The following VPS33B variants were observed in gnomAD, a reference collection of about 807,000 sequenced individuals.
The protein encoded by VPS33B is vacuolar protein sorting-associated protein 33B.
A neutral mutation model predicts 95.3 loss-of-function variants in VPS33B; 80 were observed. The ratio of observed to expected loss-of-function variants is 0.84; its 90% CI spans 0.70 to 1.01. The LOEUF (loss-of-function observed/expected upper bound fraction) is 1.01. Ranked by LOEUF, VPS33B falls within the 50% of genes least tolerant of loss-of-function variation. VPS33B has a pLI of 0.00. For missense variants in VPS33B, 715 were observed against 773.4 expected, an observed-to-expected ratio of 0.92 and a Z score of 0.90; for synonymous variants, 280 against 280.4, an observed-to-expected ratio of 1.00 and a Z score of 0.01.
intron 17 of VPS33B, 60 bp downstream of exon 17, chr15:91,003,025 A>G (rs2040487738): frequency 1.3e-6 from 2 of 1,592,772 alleles, no homozygotes; most frequent in South Asian, 1.1e-5. Flanking sequence ...GCCTCTTTCA[A>G]AAATGCCCAA....
At chr15:91,016,194 G>A (rs2040918538) in intron 3 of VPS33B, among the ~76,000 whole-genome samples, 1 of 152,072 alleles carries the variant, frequency 6.6e-6, no homozygotes, top group African/African-American at 2.4e-5. Context: ...ATGGAGTGAT[G>A]AAAAGGGTGA....
At position 91,007,051 on chromosome 15, in the gene VPS33B, C is replaced by T. The variant is rs1356894479; in HGVS notation, c.604-5G>A. The T allele has an allele frequency of 3.1e-6, 5 of 1,609,540 alleles. No homozygotes were observed. Among genetic ancestry groups the T allele is most frequent in the African/African-American group, 1.3e-5 (1 of 74,932 alleles). On this transcript the variant is annotated splice_region_variant and splice_polypyrimidine_tract_variant and intron_variant, in intron 8 of 22. Coordinates refer to ENST00000333371, the MANE Select transcript of VPS33B (RefSeq NM_018668.5). This position sits in a 1 kb window ranked among gnomAD's most constrained non-coding sequence, Gnocchi z 5.3. ...CCTCCACAATTCATATGCCATCTGCCAGGGCCCAAGACATTCTCAGTCTTG... is the reference window on the plus strand; with the variant it reads ...CCTCCACAATTCATATGCCATCTGCTAGGGCCCAAGACATTCTCAGTCTTG...
Position 91,018,996 on chromosome 15 carries a change from G to T in VPS33B, c.97-1111C>A, listed in dbSNP as rs992453222. Among the ~76,000 whole-genome samples the T allele has an allele frequency of 6.6e-6, 1 of 151,234 alleles. No individual in the cohort carries two copies. Among genetic ancestry groups the T allele is most frequent in the African/African-American group, 2.4e-5 (1 of 41,096 alleles). On this transcript the variant is annotated intron_variant, in intron 1 of 22. Transcript: ENST00000333371. The surrounding 1 kb of genome is among the most constrained non-coding windows in gnomAD (Gnocchi z 4.7). Reference sequence around the variant, plus strand: ...CACCTGGCTAATTTTTGTATTTTTAGTAGAGACGGTGTTTCACCATCTTGG... The same window carrying T: ...CACCTGGCTAATTTTTGTATTTTTATTAGAGACGGTGTTTCACCATCTTGG...
Position 91,013,774 on chromosome 15 carries a change from T to C in VPS33B, c.357+30A>G, listed in dbSNP as rs748781925. On this transcript the variant is annotated intron_variant, in intron 5 of 22. Transcript: ENST00000333371. This position sits in a 1 kb window ranked among gnomAD's most constrained non-coding sequence, Gnocchi z 4.5. ...CCCGGTCCTCAGTCCTGTTCTACCTTATCCCACTTCCTCCAGGATCCAAAC... is the reference window on the plus strand; with the variant it reads ...CCCGGTCCTCAGTCCTGTTCTACCTCATCCCACTTCCTCCAGGATCCAAAC... The C allele has an allele frequency of 6.2e-7, 1 of 1,613,630 alleles. No individual in the cohort carries two copies. The highest frequency in any genetic ancestry group is 1.3e-5 in the African/African-American group (1 of 74,928).
chr15:91,008,646 C>G (rs79253100), intron 6 of VPS33B, among the ~76,000 whole-genome samples: 1 of 152,102 alleles, frequency 6.6e-6, no homozygotes, highest in Non-Finnish European at 1.5e-5. Flanking sequence ...CAGCAGTGAG[C>G]AAAATGGACA....
At chr15:91,014,471 T>A (rs773294096) in intron 3 of VPS33B, 38 bp from the exon 4 acceptor site, 2 of 1,610,082 alleles carry the variant, frequency 1.2e-6, no homozygotes, top group African/African-American at 2.7e-5. Context: ...TGAAGAAGAA[T>A]TATCAAGTTG....
Position 90,999,550 on chromosome 15 carries a change from C to T in VPS33B, c.1774+127G>A. ...GTCAGGCTAGGCTCTAACTCCTGACCTCAGGTGATCTGCCCGCCTCCGCCT... is the reference window on the plus strand; with the variant it reads ...GTCAGGCTAGGCTCTAACTCCTGACTTCAGGTGATCTGCCCGCCTCCGCCT... On this transcript the variant is annotated intron_variant, in intron 22 of 22. Coordinates refer to ENST00000333371, the MANE Select transcript of VPS33B (RefSeq NM_018668.5). This position sits in a 1 kb window ranked among gnomAD's most constrained non-coding sequence, Gnocchi z 5.1. The T allele has an allele frequency of 3.1e-6, 3 of 968,332 alleles. 1 individual carries two copies. Among genetic ancestry groups the T allele is most frequent in the South Asian group, 2.6e-5 (2 of 77,564 alleles). 60.0% of individuals were successfully genotyped at this position (968,332 alleles called of 1,614,324 possible).
At chr15:91,021,547 G>A (rs1328173036) in intron 1 of VPS33B, among the ~76,000 whole-genome samples, 2 of 152,134 alleles carry the variant, frequency 1.3e-5, no homozygotes, top group Admixed American at 6.6e-5. Flanking sequence ...GAATCATCAA[G>A]TATTGTCTCA....
At chr15:91,019,064 C>G (rs550937294) in intron 1 of VPS33B, among the ~76,000 whole-genome samples, 1 of 149,714 alleles carries the variant, frequency 6.7e-6, no homozygotes, top group East Asian at 2.0e-4. Context: ...CCACCTGCCT[C>G]GGCCTCCCAA....
chr15:91,008,050 C>T (rs1430095055), intron 6 of VPS33B, 86 bp from the exon 7 acceptor site: 11 of 1,248,504 alleles, frequency 8.8e-6, no homozygotes, highest in East Asian at 2.3e-5. Context: ...TATTTGAGTG[C>T]GTGCAACAAA....
Position 91,005,169 on chromosome 15 carries a change from G to A in VPS33B, c.1106-50C>T. 2 of 1,613,940 alleles carry A rather than the reference G, an allele frequency of 1.2e-6. No individual in the cohort carries two copies. The highest frequency in any genetic ancestry group is 1.7e-6 in the Non-Finnish European group (2 of 1,180,018). On this transcript the variant is annotated intron_variant, in intron 14 of 22. Transcript: ENST00000333371. The surrounding 1 kb of genome is among the most constrained non-coding windows in gnomAD (Gnocchi z 6.4). ...GTTACTGGGGGCCAGCTCAGCTGCT[G>A]CCATCTATGCTAACAGGTGTCTGTC...
chr15:91,013,814 C>G lies in VPS33B; in HGVS notation c.347G>C (p.Ser116Thr). ...GRTRKYKVIF[S>T]PQKFYACEMV... Reference sequence around the variant, plus strand: ...AGGATCCAAACTCACCTTTTGAGGGCTGAAGATCACTTTGTATTTGCGAGT... The same window carrying G: ...AGGATCCAAACTCACCTTTTGAGGGGTGAAGATCACTTTGTATTTGCGAGT... Residue 116 changes from serine to threonine, a missense_variant, in exon 5 of 23, where the codon AGC becomes ACC. Transcript: ENST00000333371. This position sits in a 1 kb window ranked among gnomAD's most constrained non-coding sequence, Gnocchi z 4.5. 1.2e-6 allele frequency: 2 copies of G among 1,614,166 alleles called. No homozygotes were observed. Among genetic ancestry groups the G allele is most frequent in the Non-Finnish European group, 1.7e-6 (2 of 1,180,024 alleles).
upstream of VPS33B, chr15:91,022,614 C>T (rs1296456066): frequency 1.2e-5 from 2 of 168,984 alleles, no homozygotes; most frequent in Non-Finnish European, 2.5e-5. Context: ...CCGGAAGTCC[C>T]TTTCGCTCCC....
In VPS33B at chr15:91,006,551, T is replaced by C; in HGVS notation, c.778+101A>G. On this transcript the variant is annotated intron_variant, in intron 10 of 22. Transcript: ENST00000333371. The surrounding 1 kb of genome is among the most constrained non-coding windows in gnomAD (Gnocchi z 5.4). ...AAACTATTTGGAAGCCAGCAGTTCATTCAGGGTCTGGGTCTCTCCCACAAA... is the reference window on the plus strand; with the variant it reads ...AAACTATTTGGAAGCCAGCAGTTCACTCAGGGTCTGGGTCTCTCCCACAAA... 6.2e-7 allele frequency: 1 copy of C among 1,608,010 alleles called. No homozygotes were observed. The highest frequency in any genetic ancestry group is 1.1e-5 in the South Asian group (1 of 90,946).
At position 91,005,823 on chromosome 15, in the gene VPS33B, G is replaced by T. The variant is rs759146661; in HGVS notation, c.940-39C>A. On this transcript the variant is annotated intron_variant, in intron 12 of 22. Transcript: ENST00000333371. This position sits in a 1 kb window ranked among gnomAD's most constrained non-coding sequence, Gnocchi z 6.4. ...CCCAAAGGTGAACCCCCCAACCTCAGACACGAGAAACCACCACCCTCCCTC... is the reference window on the plus strand; with the variant it reads ...CCCAAAGGTGAACCCCCCAACCTCATACACGAGAAACCACCACCCTCCCTC... 2 of 1,613,310 alleles carry T rather than the reference G, an allele frequency of 1.2e-6. No homozygotes were observed. Among genetic ancestry groups the T allele is most frequent in the South Asian group, 2.2e-5 (2 of 91,066 alleles).
At chr15:91,012,444 C>T (rs2040808949) in intron 5 of VPS33B, among the ~76,000 whole-genome samples, 2 of 152,130 alleles carry the variant, frequency 1.3e-5, no homozygotes, top group East Asian at 1.9e-4. Context: ...ATGAGAAAAC[C>T]GAGACACGGA....
Position 91,007,183 on chromosome 15 carries a change from T to C in VPS33B, c.604-137A>G. On this transcript the variant is annotated intron_variant, in intron 8 of 22. Transcript: ENST00000333371. This position sits in a 1 kb window ranked among gnomAD's most constrained non-coding sequence, Gnocchi z 5.3. The stretch of plus-strand genomic sequence containing the variant: ...GCTAATTATTCACAATATGGCCCTA[T>C]CTACTCCCGTCTGTGTCTATCTTTC... 1 of 898,742 alleles carries C rather than the reference T, an allele frequency of 1.1e-6. No homozygotes were observed. The highest frequency in any genetic ancestry group is 2.5e-5 in the East Asian group (1 of 40,172). 55.7% of individuals were successfully genotyped at this position (898,742 alleles called of 1,614,324 possible).
At position 91,002,093 on chromosome 15, in the gene VPS33B, G is replaced by A. The variant is rs142964161; in HGVS notation, c.1362C>T (p.Ala454=). The A allele has an allele frequency of 1.2e-4, 193 of 1,614,118 alleles. No individual in the cohort carries two copies. In the African/African-American group the frequency reaches 1.6e-3, roughly 13 times the overall value. The part of the protein sequence containing the change: ...TEQAPGDTLT[A]VESKVSKLVT... Reference sequence around the variant, plus strand: ...CCAGCTTGCTCACTTTACTCTCCACGGCTGTGAGGGTGTCCCCGGGGGCCT... The same window carrying A: ...CCAGCTTGCTCACTTTACTCTCCACAGCTGTGAGGGTGTCCCCGGGGGCCT... Residue 454 remains alanine (A), a synonymous_variant, in exon 18 of 23, where the codon GCC becomes GCT. Transcript: ENST00000333371. The surrounding 1 kb of genome is among the most constrained non-coding windows in gnomAD (Gnocchi z 4.7).
At position 91,005,961 on chromosome 15, in the gene VPS33B, T is replaced by A. The variant is rs755031814; in HGVS notation, c.939+12A>T. ...AGGCAACAAAACAGAGGAGCAGGGC[T>A]TGGAGCCTCACATCATACTGGGCCT... On this transcript the variant is annotated intron_variant, in intron 12 of 22. Coordinates refer to ENST00000333371, the MANE Select transcript of VPS33B (RefSeq NM_018668.5). This position sits in a 1 kb window ranked among gnomAD's most constrained non-coding sequence, Gnocchi z 6.4. The A allele has an allele frequency of 1.2e-6, 2 of 1,613,834 alleles. No homozygotes were observed. The highest frequency in any genetic ancestry group is 1.7e-6 in the Non-Finnish European group (2 of 1,179,952).
Sources: allele counts gnomAD v4.1 joint callset (sites outside exome capture counted in the v4.1 genomes callset), GRCh38; gene constraint gnomAD v4.1.1; non-coding constraint Gnocchi (gnomAD v3.1); transcripts MANE v1.5; gene names NCBI Gene and HGNC (gene_info 2026-07-23, HGNC 2026-07-21).